The following TENM2 variants were observed in gnomAD, a reference collection of about 807,000 sequenced individuals.
TENM2 encodes teneurin transmembrane protein 2.
In TENM2, 52 loss-of-function variants were observed where a neutral mutation model predicts 245.2. The ratio of observed to expected loss-of-function variants is 0.21; its 90% CI spans 0.17 to 0.27. TENM2 has a LOEUF of 0.27. Among genes scored for constraint, TENM2 ranks in the 10% least tolerant of loss-of-function variants. TENM2 has a pLI of 1.00. For synonymous variants in TENM2, 1,363 were observed against 1,438.9 expected, an observed-to-expected ratio of 0.95 and a Z score of 1.19; for missense variants, 3,046 against 3,666.8, an observed-to-expected ratio of 0.83 and a Z score of 4.37.
Position 167,615,719 on chromosome 5 carries a change from A to G in TENM2, c.502+240246A>G, listed in dbSNP as rs1035712686. Among the ~76,000 whole-genome samples the G allele has an allele frequency of 2.0e-5, 3 of 151,958 alleles. No individual in the cohort carries two copies. In the East Asian group the frequency reaches 5.8e-4, roughly 29 times the overall value. ...AATTAAGAGAGACAACCAACAGCCC[A>G]TTTTGCTCCAGAGTCACTCATCACT... On this transcript the variant is annotated intron_variant, in intron 2 of 28. Transcript: ENST00000518659.
At chr5:167,450,987 TAAA>T (rs1381473638) in intron 2 of TENM2, among the ~76,000 whole-genome samples, 1 of 152,246 alleles carries the variant, frequency 6.6e-6, no homozygotes, top group Non-Finnish European at 1.5e-5. Flanking sequence ...TTTTTTATCA[TAAA>T]AATCATTATT....
chr5:167,399,867 A>G lies in TENM2; in HGVS notation c.502+24394A>G, dbSNP rs566892425. Among the ~76,000 whole-genome samples the G allele has an allele frequency of 7.2e-5, 11 of 152,282 alleles. No homozygotes were observed. The South Asian group carries it at 1.7e-3, about 23-fold the overall frequency. On this transcript the variant is annotated intron_variant, in intron 2 of 28. Coordinates refer to ENST00000518659, the Ensembl canonical transcript of TENM2. ...GGGCCTGGCTTTGAGCTAGAAGAACATTGTTCTTGTAAAGAAACAGAATAG... is the reference window on the plus strand; with the variant it reads ...GGGCCTGGCTTTGAGCTAGAAGAACGTTGTTCTTGTAAAGAAACAGAATAG...
chr5:168,092,970 C>T (rs868089718), intron 8 of TENM2, among the ~76,000 whole-genome samples: 10 of 152,320 alleles, frequency 6.6e-5, no homozygotes, highest in Middle Eastern at 3.4e-3. Context: ...TGAGGTAGCA[C>T]TATCACAATT....
chr5:167,459,911 AACACACACACAC>A (rs57053799), intron 2 of TENM2, among the ~76,000 whole-genome samples: 1 of 149,576 alleles, frequency 6.7e-6, no homozygotes, highest in African/African-American at 2.5e-5. Context: ...TATAAAGATA[AACACACACACAC>A]ACACACACAC....
the TENM2 span, among the ~76,000 whole-genome samples, chr5:167,015,118 C>T: frequency 6.6e-6 from 1 of 152,134 alleles, no homozygotes; most frequent in East Asian, 1.9e-4. Flanking sequence ...TCTCAATAAA[C>T]ATTTTTAACT....
In TENM2 at chr5:167,926,534, A is replaced by G. The variant is rs141960753; in HGVS notation, c.713-26054A>G. Among the ~76,000 whole-genome samples the G allele has an allele frequency of 4.2e-4, 64 of 152,298 alleles. No homozygotes were observed. The East Asian group carries it at 0.011, about 26-fold the overall frequency. On this transcript the variant is annotated intron_variant, in intron 3 of 28. Transcript: ENST00000518659. ...CAGGAGTTCGAGACCAGCCTGGCCAACATGGGGAAACCCTGTCTCTACTAA... is the reference window on the plus strand; with the variant it reads ...CAGGAGTTCGAGACCAGCCTGGCCAGCATGGGGAAACCCTGTCTCTACTAA...
At position 167,305,015 on chromosome 5, in the gene TENM2, G is replaced by A. The variant is rs185737340; in HGVS notation, c.226+19952G>A. 1.3e-3 allele frequency among the ~76,000 whole-genome samples: 199 copies of A among 152,202 alleles called. 1 individual carries two copies. The highest frequency in any genetic ancestry group is 4.5e-3 in the African/African-American group (188 of 41,526). On this transcript the variant is annotated intron_variant, in intron 1 of 28. Transcript: ENST00000518659. ...AGGGGATCCTATCATACATGAGCACGGAGAGGGATCATAGCCAGTCTGAAG... is the reference window on the plus strand; with the variant it reads ...AGGGGATCCTATCATACATGAGCACAGAGAGGGATCATAGCCAGTCTGAAG...
At chr5:167,550,471 C>G (rs1772854116) in intron 2 of TENM2, among the ~76,000 whole-genome samples, 1 of 152,036 alleles carries the variant, frequency 6.6e-6, no homozygotes, top group Non-Finnish European at 1.5e-5. Context: ...GTTTATGGCT[C>G]TAACATTTCA....
intron 23 of TENM2, among the ~76,000 whole-genome samples, chr5:168,222,068 T>G (rs1330408086): frequency 6.6e-6 from 1 of 152,236 alleles, no homozygotes; most frequent in Non-Finnish European, 1.5e-5. Flanking sequence ...TGAGAGGAAT[T>G]ATTAAGCACA....
chr5:167,322,282 A>G (rs1295466982), intron 1 of TENM2, among the ~76,000 whole-genome samples: 4 of 150,846 alleles, frequency 2.7e-5, no homozygotes, highest in African/African-American at 9.8e-5. Flanking sequence ...AAAAACATCT[A>G]TCAAGGGCCC....
At chr5:168,087,582 C>G (rs1387195132) in intron 7 of TENM2, 1 of 150,600 alleles carries the variant, frequency 6.6e-6, no homozygotes, top group Non-Finnish European at 1.5e-5. Context: ...GCATTCCAGC[C>G]TGGGTGACAG....
intron 2 of TENM2, among the ~76,000 whole-genome samples, chr5:167,749,919 G>A (rs764295304): frequency 2.3e-4 from 35 of 152,232 alleles, no homozygotes; most frequent in Admixed American, 3.9e-4. Context: ...CTTGGGATCT[G>A]GAACTGGCTC....
upstream of TENM2, among the ~76,000 whole-genome samples, chr5:167,280,300 C>A (rs778263227): frequency 6.6e-6 from 1 of 152,184 alleles, no homozygotes; most frequent in Non-Finnish European, 1.5e-5. Context: ...GGACTTACCA[C>A]AGAAGGATGG....
At chr5:167,922,028 C>T (rs1317943548) in intron 3 of TENM2, among the ~76,000 whole-genome samples, 3 of 152,096 alleles carry the variant, frequency 2.0e-5, no homozygotes, top group Non-Finnish European at 4.4e-5. Context: ...CAGGGCCAGC[C>T]ATATTGGAGG....
the TENM2 span, among the ~76,000 whole-genome samples, chr5:167,022,477 T>C: frequency 2.6e-5 from 4 of 152,218 alleles, no homozygotes; most frequent in African/African-American, 9.6e-5. Flanking sequence ...GCCATACTTA[T>C]GCTAAAATAG....
chr5:167,514,469 A>G (rs1770178455), intron 2 of TENM2, among the ~76,000 whole-genome samples: 1 of 152,242 alleles, frequency 6.6e-6, no homozygotes, highest in Non-Finnish European at 1.5e-5. Flanking sequence ...AAGAATACAC[A>G]AAAATGTCTT....
intron 2 of TENM2, among the ~76,000 whole-genome samples, chr5:167,457,112 C>G (rs1765969550): frequency 6.6e-6 from 1 of 152,084 alleles, no homozygotes; most frequent in South Asian, 2.1e-4. Context: ...TTGGAACATT[C>G]TCTCCTCTCT....
At chr5:168,180,947 C>G (rs903180016) in intron 13 of TENM2, among the ~76,000 whole-genome samples, 1 of 151,806 alleles carries the variant, frequency 6.6e-6, no homozygotes, top group African/African-American at 2.4e-5. Context: ...TATTTAGTCT[C>G]AGGAATTCAG....
At chr5:167,494,413 G>A (rs1187937334) in intron 2 of TENM2, among the ~76,000 whole-genome samples, 1 of 152,076 alleles carries the variant, frequency 6.6e-6, no homozygotes, top group Non-Finnish European at 1.5e-5. Context: ...TTTGAGCAAG[G>A]AGGTAATATA....
Sources: gnomAD v4.1 joint callset for allele counts (sites outside exome capture counted in the v4.1 genomes callset) on GRCh38, gnomAD v4.1.1 for gene constraint, MANE v1.5 for transcripts, NCBI Gene and HGNC (gene_info 2026-07-23, HGNC 2026-07-21) for gene names.